The following FREM3 variants were observed in gnomAD, a reference collection of about 807,000 sequenced individuals.
FREM3 encodes FRAS1-related extracellular matrix protein 3.
A neutral mutation model predicts 129.1 loss-of-function variants in FREM3; 105 were observed. The ratio of observed to expected loss-of-function variants is 0.81; its 90% CI spans 0.69 to 0.96. The LOEUF (loss-of-function observed/expected upper bound fraction) is 0.96. FREM3 is among the 40% of genes least tolerant of loss of function. FREM3 has a pLI of 0.00. For synonymous variants in FREM3, 1,014 were observed against 1,044.9 expected (o/e 0.97, Z 0.57); for missense variants, 2,593 against 2,666.3 (o/e 0.97, Z 0.61).
chr4:143,611,123 C>T (rs1439655396), intron 6 of FREM3, among the ~76,000 whole-genome samples, 156 bp downstream of exon 6: 1 of 152,158 alleles, frequency 6.6e-6, no homozygotes, highest in Non-Finnish European at 1.5e-5. Context: ...TTGGTGATGT[C>T]TATGCATTTG....
Position 143,611,177 on chromosome 4 carries a change from T to C in FREM3, c.6028+102A>G. On this transcript the variant is annotated intron_variant, in intron 6 of 7. Coordinates refer to ENST00000329798, the MANE Select transcript of FREM3 (RefSeq NM_001168235.2). ...TTGGAGATAAAAGAACATCAAATAT[T>C]CTTTTAAAAGATAATTTAAGCTACA... 3.9e-6 allele frequency: 5 copies of C among 1,278,190 alleles called. No individual in the cohort carries two copies. The South Asian group carries it at 7.8e-5, about 20-fold the overall frequency. 79.2% of individuals were successfully genotyped at this position (1,278,190 alleles called of 1,614,324 possible). A position where few individuals can be genotyped will look rare whatever the true frequency, so the allele number is the denominator to read the frequency against.
At position 143,700,124 on chromosome 4, in the gene FREM3, C is replaced by A; in HGVS notation, c.552G>T (p.Trp184Cys). ...GCACTCTCCTGTCTATGGCGCGGCT[C>A]CAGCTTCGCAGCTTCTCCACTACCA... ...RPLVVEKLRSWSRAIDRRVLD... is the reference protein window; with the variant it reads ...RPLVVEKLRSCSRAIDRRVLD... Residue 184 changes from tryptophan (W) to cysteine (C), a missense_variant, in exon 1 of 8, where the codon TGG (tryptophan) becomes TGT (cysteine). Trp to Cys is a radical substitution (Grantham distance 215). Transcript: ENST00000329798. The A allele has an allele frequency of 2.0e-6, 3 of 1,537,082 alleles. No individual in the cohort carries two copies. The highest frequency in any genetic ancestry group is 1.7e-6 in the Non-Finnish European group (2 of 1,146,910).
intron 2 of FREM3, among the ~76,000 whole-genome samples, chr4:143,655,713 C>T (rs1396527233): frequency 6.6e-6 from 1 of 152,172 alleles, no homozygotes; most frequent in Non-Finnish European, 1.5e-5. Flanking sequence ...TTCATTTCAT[C>T]AGTGCTTCTC....
At position 143,611,291 on chromosome 4, in the gene FREM3, C is replaced by T. The variant is rs866967759; in HGVS notation, c.6016G>A (p.Asp2006Asn). Reference protein sequence around the residue: ...FPTTKVTILADRYDEPVLHFG... With the variant: ...FPTTKVTILANRYDEPVLHFG... ...CAAATGGACTTACCATCATAACGATCAGCCAGAATAGTCACCTTAGTGGTG... is the reference window on the plus strand; with the variant it reads ...CAAATGGACTTACCATCATAACGATTAGCCAGAATAGTCACCTTAGTGGTG... The change falls in exon 6 of 8, where the codon GAT (aspartate) becomes AAT (asparagine). Residue 2006 changes from aspartate (D) to asparagine (N), a missense_variant. Physicochemically the swap from Asp to Asn is conservative, Grantham distance 23. Around this residue, in one of 2 missense-constraint regions of FREM3, gnomAD observed 317 missense variants for 399.0 expected, o/e 0.79. Coordinates refer to ENST00000329798, the MANE Select transcript of FREM3 (RefSeq NM_001168235.2). 7 of 1,536,332 alleles carry T rather than the reference C, an allele frequency of 4.6e-6. No individual in the cohort carries two copies. The East Asian group carries it at 1.7e-4, about 38-fold the overall frequency.
Position 143,700,273 on chromosome 4 carries a change from C to CGGGGCT in FREM3, c.397_402dup (p.Ser133_Pro134dup). ...AGCTGCAGCAGCACCCGGGCGCGTC[C>CGGGGCT]GGGGCTGTGGGAGCCGAAGTGAGTG... is the stretch of plus-strand genomic sequence containing the variant. On this transcript the variant is annotated inframe_insertion, in exon 1 of 8. Coordinates refer to ENST00000329798, the MANE Select transcript of FREM3 (RefSeq NM_001168235.2). 1 of 1,536,366 alleles carries CGGGGCT rather than the reference C, an allele frequency of 6.5e-7. No homozygotes were observed. The highest frequency in any genetic ancestry group is 2.0e-5 in the Admixed American group (1 of 50,988).
chr4:143,600,688 A>C (rs1253007913), intron 6 of FREM3, among the ~76,000 whole-genome samples: 1 of 152,238 alleles, frequency 6.6e-6, no homozygotes, highest in Non-Finnish European at 1.5e-5. Context: ...AAAAGATCTT[A>C]TAATGGCTAG....
At chr4:143,596,814 T>C (rs1738492300) in intron 6 of FREM3, among the ~76,000 whole-genome samples, 1 of 152,080 alleles carries the variant, frequency 6.6e-6, no homozygotes, top group South Asian at 2.1e-4. Flanking sequence ...TGCATATGCC[T>C]GTAGTCCCAA....
rs75537358 is a variant in FREM3 at position 143,643,865 on chromosome 4, G to A, written c.5276-16105C>T. Among the ~76,000 whole-genome samples, 491 of 152,066 alleles carry A rather than the reference G, an allele frequency of 3.2e-3. 14 individuals are homozygous for A. In the East Asian group the frequency reaches 0.055, roughly 17 times the overall value. ...GAGAAATGCATGAGGTGATGGATAC[G>A]GTAATTACCTTGATTCGATCAGTAT... is the stretch of plus-strand genomic sequence containing the variant. On this transcript the variant is annotated intron_variant, in intron 2 of 7. Transcript: ENST00000329798.
At chr4:143,581,247 A>T (rs1329426304) in intron 7 of FREM3, among the ~76,000 whole-genome samples, 1 of 152,202 alleles carries the variant, frequency 6.6e-6, no homozygotes, top group Non-Finnish European at 1.5e-5. Flanking sequence ...CCCTTTAGTC[A>T]TTGGCGGCTC....
At chr4:143,589,251 C>T (rs554930886) in intron 6 of FREM3, among the ~76,000 whole-genome samples, 31 of 152,260 alleles carry the variant, frequency 2.0e-4, no homozygotes, top group East Asian at 1.9e-3. Flanking sequence ...TTAATTAGAT[C>T]CCATTTGTCA....
At chr4:143,653,010 T>C (rs1268153910) in intron 2 of FREM3, among the ~76,000 whole-genome samples, 2 of 152,150 alleles carry the variant, frequency 1.3e-5, no homozygotes, top group Non-Finnish European at 2.9e-5. Context: ...ATGCAGCAAA[T>C]AATAGGGCTT....
intron 6 of FREM3, among the ~76,000 whole-genome samples, chr4:143,592,274 C>T (rs1181925913): frequency 2.6e-5 from 4 of 152,130 alleles, no homozygotes; most frequent in African/African-American, 9.7e-5. Context: ...TGAATTTGAT[C>T]CTGTCATTAT....
chr4:143,656,191 A>G (rs1739597793), intron 2 of FREM3, among the ~76,000 whole-genome samples: 1 of 152,202 alleles, frequency 6.6e-6, no homozygotes, highest in South Asian at 2.1e-4. Flanking sequence ...TTGTTTTTCT[A>G]TCAGTTACCA....
At chr4:143,611,599 C>T (rs934761795) in intron 5 of FREM3, 72 bp from the exon 6 acceptor site, 3 of 1,376,208 alleles carry the variant, frequency 2.2e-6, no homozygotes, top group Admixed American at 4.5e-5. Flanking sequence ...TGTCTGTTTT[C>T]TTTAATGTAT....
In FREM3 at chr4:143,695,485, A is replaced by G. The variant is rs1285245856; in HGVS notation, c.5185+6T>C. The stretch of plus-strand genomic sequence containing the variant: ...ACAGAATAGGCAGGGAAGAATACAT[A>G]CTAACCTTGTGTAAACACTCGAGTG... On this transcript the variant is annotated splice_donor_region_variant and intron_variant, in intron 1 of 7. Transcript: ENST00000329798. 10 of 1,534,368 alleles carry G rather than the reference A, an allele frequency of 6.5e-6. No homozygotes were observed. The highest frequency in any genetic ancestry group is 3.5e-6 in the Non-Finnish European group (4 of 1,145,336).
At chr4:143,629,979 A>T (rs2149843593) in intron 2 of FREM3, among the ~76,000 whole-genome samples, 1 of 152,308 alleles carries the variant, frequency 6.6e-6, no homozygotes, top group East Asian at 1.9e-4. Context: ...CACAGTGAGA[A>T]GGGTTTAACA....
At chr4:143,674,866 A>G (rs1740078572) in intron 2 of FREM3, among the ~76,000 whole-genome samples, 1 of 152,222 alleles carries the variant, frequency 6.6e-6, no homozygotes, top group Non-Finnish European at 1.5e-5. Context: ...TATTCACCCA[A>G]TACAGGAGCA....
chr4:143,582,916 G>A (rs563199246), intron 7 of FREM3, among the ~76,000 whole-genome samples: 150 of 132,334 alleles, frequency 1.1e-3, no homozygotes, highest in African/African-American at 4.1e-3. Flanking sequence ...TTTTTGAGAT[G>A]GGTTTGAACT....
chr4:143,662,590 C>G (rs1312143523), intron 2 of FREM3, among the ~76,000 whole-genome samples: 6 of 151,100 alleles, frequency 4.0e-5, no homozygotes, highest in Non-Finnish European at 7.4e-5. Context: ...CTGTAGATGT[C>G]TATTAGGTCC....
Sources: gnomAD v4.1 joint callset for allele counts (sites outside exome capture counted in the v4.1 genomes callset) on GRCh38, gnomAD v4.1.1 for gene constraint, gnomAD v4.1.1 regional missense constraint, MANE v1.5 for transcripts, NCBI Gene and HGNC (gene_info 2026-07-23, HGNC 2026-07-21) for gene names.